The following ERCC6L2 variants were observed in gnomAD, a reference collection of about 807,000 sequenced individuals.
ERCC6L2 encodes ERCC excision repair 6 like 2.
ERCC6L2 carries 77 observed loss-of-function variants against 132.0 expected under a neutral mutation model. That is an observed-to-expected ratio of 0.58 (90% CI 0.49 to 0.71). ERCC6L2 has a LOEUF of 0.71. Among genes scored for constraint, ERCC6L2 ranks in the 30% least tolerant of loss-of-function variants. The probability of loss-of-function intolerance (pLI) is 0.00; values close to 1 mark genes in which losing one functional copy is unlikely to be tolerated. For synonymous variants in ERCC6L2, 583 were observed against 632.4 expected (o/e 0.92, Z 1.17); for missense variants, 1,542 against 1,837.6 (o/e 0.84, Z 2.94).
chr9:96,029,214 G>A (rs576297409), intron 19 of ERCC6L2, among the ~76,000 whole-genome samples: 14 of 144,906 alleles, frequency 9.7e-5, no homozygotes, highest in Non-Finnish European at 1.9e-4. Context: ...TAAGGTAGGA[G>A]AATTGCTTGA....
chr9:96,039,068 C>A (rs929952594), exon 20 of ERCC6L2: 1 of 388,286 alleles, frequency 2.6e-6, no homozygotes, highest in Non-Finnish European at 5.1e-6. Context: ...TGGCTGACAT[C>A]TTCACTGCAA....
At chr9:95,922,162 C>T in intron 7 of ERCC6L2, 143 bp from the exon 8 acceptor site, 1 of 512,874 alleles carries the variant, frequency 1.9e-6, no homozygotes, top group South Asian at 3.0e-5. Flanking sequence ...ATATTTTGTG[C>T]AATAGTTGAC....
chr9:95,876,224 G>A, intron 1 of ERCC6L2, 140 bp downstream of exon 1: 1 of 710,614 alleles, frequency 1.4e-6, no homozygotes, highest in Non-Finnish European at 2.3e-6. Context: ...AACCCCTCCA[G>A]GCCTGGAACC....
rs183800974 is a variant in ERCC6L2, at chr9:95,955,317, T to A, written c.1848-597T>A. 5.3e-5 allele frequency among the ~76,000 whole-genome samples: 8 copies of A among 152,336 alleles called. No homozygotes were observed. In the East Asian group the frequency reaches 1.5e-3, roughly 29 times the overall value. Reference sequence around the variant, plus strand: ...ACTTTTTGCTAAGTTGTGGTTTTTTTTACTTTTTAACAGTTTTAATAAAGT... The same window carrying A: ...ACTTTTTGCTAAGTTGTGGTTTTTTATACTTTTTAACAGTTTTAATAAAGT... On this transcript the variant is annotated intron_variant, in intron 12 of 18. Coordinates refer to ENST00000653738, the MANE Select transcript of ERCC6L2 (RefSeq NM_020207.7).
chr9:95,902,840 G>A (rs539927651), intron 3 of ERCC6L2, among the ~76,000 whole-genome samples: 408 of 152,102 alleles, frequency 2.7e-3, no homozygotes, highest in African/African-American at 9.4e-3. Flanking sequence ...TCTAATTCTC[G>A]TTTTTAATCA....
intron 13 of ERCC6L2, among the ~76,000 whole-genome samples, chr9:95,961,811 G>C (rs907557611): frequency 6.6e-6 from 1 of 152,146 alleles, no homozygotes; most frequent in Non-Finnish European, 1.5e-5. Context: ...CTGCATGGCT[G>C]GGGAGGCCTC....
At position 96,012,675 on chromosome 9, in the gene ERCC6L2, A is replaced by G. The variant is rs760580767; in HGVS notation, c.4125A>G (p.Ala1375=). ...TTGACAGTGGGAAAAACAGCCAGGC[A>G]TCCGAAGATACTGTGACATCCCGTT... ...QEIDSGKNSQ[A]SEDTVTSRSL... Residue 1375 remains alanine, a synonymous_variant, in exon 19 of 19, where the codon GCA becomes GCG. Coordinates refer to ENST00000653738, the MANE Select transcript of ERCC6L2 (RefSeq NM_020207.7). The G allele has an allele frequency of 3.7e-6, 5 of 1,367,562 alleles. No individual in the cohort carries two copies. Among genetic ancestry groups the G allele is most frequent in the East Asian group, 4.5e-5 (1 of 22,006 alleles). The allele number at this position is 1,367,562 out of a possible 1,614,324, so 84.7% of individuals were successfully genotyped here.
intron 17 of ERCC6L2, among the ~76,000 whole-genome samples, chr9:95,986,375 C>T (rs939395863): frequency 1.3e-5 from 2 of 152,072 alleles, no homozygotes; most frequent in East Asian, 3.9e-4. Flanking sequence ...AGTAAATTAA[C>T]TTTTAGTCCT....
rs371620653 is a variant in ERCC6L2, at chr9:95,966,599, A to G, written c.1985A>G (p.Lys662Arg). 21 of 1,529,442 alleles carry G rather than the reference A, an allele frequency of 1.4e-5. No homozygotes were observed. The African/African-American group carries it at 2.8e-4, about 21-fold the overall frequency. 94.7% of individuals were successfully genotyped at this position (1,529,442 alleles called of 1,614,324 possible). The change falls in exon 14 of 19, where the codon AAA (lysine) becomes AGA (arginine). Residue 662 changes from lysine to arginine, a missense_variant. Around this residue, in one of 4 missense-constraint regions of ERCC6L2, gnomAD observed 945 missense variants for 1,105.2 expected, o/e 0.86. Coordinates refer to ENST00000653738, the MANE Select transcript of ERCC6L2 (RefSeq NM_020207.7). ...GTGGTGGTTGGAAGTGAAAATGCCA[A>G]ACGATATTTTGAAGCAGTTCAAGGA... Reference protein sequence around the residue: ...HCVVVGSENAKRYFEAVQGSK... With the variant: ...HCVVVGSENARRYFEAVQGSK...
chr9:95,987,368 A>T (rs1013620374), intron 17 of ERCC6L2, among the ~76,000 whole-genome samples: 16 of 152,206 alleles, frequency 1.1e-4, no homozygotes, highest in Non-Finnish European at 2.1e-4. Context: ...CAAGTTAGTT[A>T]CTTTCTAGAT....
intron 2 of ERCC6L2, among the ~76,000 whole-genome samples, chr9:95,890,690 C>T (rs1828111981): frequency 6.6e-6 from 1 of 152,110 alleles, no homozygotes; most frequent in South Asian, 2.1e-4. Context: ...TTTTTTGAGA[C>T]AGTGTCTCGC....
intron 17 of ERCC6L2, among the ~76,000 whole-genome samples, chr9:95,999,112 G>T (rs1419045888): frequency 6.6e-6 from 1 of 152,184 alleles, no homozygotes; most frequent in Non-Finnish European, 1.5e-5. Flanking sequence ...TGTAATCCCA[G>T]CACTTTGGGA....
At chr9:95,895,828 G>A (rs1326515613) in intron 2 of ERCC6L2, among the ~76,000 whole-genome samples, 3 of 149,578 alleles carry the variant, frequency 2.0e-5, no homozygotes, top group Admixed American at 6.8e-5. Context: ...CCAGGTTCAC[G>A]CCATTCTCCT....
Position 96,004,619 on chromosome 9 carries a change from C to G in ERCC6L2, c.3592C>G (p.Pro1198Ala). The change falls in exon 18 of 19, where the codon CCT becomes GCT. Residue 1198 changes from proline to alanine, a missense_variant. This residue lies in a region of ERCC6L2 where 442 missense variants were observed against 583.4 expected (regional missense o/e 0.76). Transcript: ENST00000653738. Reference protein sequence around the residue: ...SISLPLYISNPVNQKKKKVYH... With the variant: ...SISLPLYISNAVNQKKKKVYH... Reference sequence around the variant, plus strand: ...TTCACTTCCTCTTTACATTTCAAATCCTGTAAACCAGAAGAAGAAAAAAGT... The same window carrying G: ...TTCACTTCCTCTTTACATTTCAAATGCTGTAAACCAGAAGAAGAAAAAAGT... 1.5e-6 allele frequency: 2 copies of G among 1,321,402 alleles called. No homozygotes were observed. Among genetic ancestry groups the G allele is most frequent in the Non-Finnish European group, 2.0e-6 (2 of 996,966 alleles). 81.9% of individuals were successfully genotyped at this position (1,321,402 alleles called of 1,614,324 possible).
intron 17 of ERCC6L2, among the ~76,000 whole-genome samples, chr9:95,981,641 G>A (rs1198927216): frequency 6.6e-6 from 1 of 152,150 alleles, no homozygotes; most frequent in East Asian, 1.9e-4. Context: ...TTAGGTTTAA[G>A]CTCAGGCGAA....
Position 95,875,714 on chromosome 9 carries a change from CG to C in ERCC6L2, c.-324del, listed in dbSNP as rs1827209466. Reference sequence around the variant, plus strand: ...TCAGAGCCTAGGAAGATTTGGGGGTCGCCTTGCCGGCCTCCTGTCCTCCTCC... The same window carrying C: ...TCAGAGCCTAGGAAGATTTGGGGGTCCCTTGCCGGCCTCCTGTCCTCCTCC... On this transcript the variant is annotated 5_prime_UTR_variant, in exon 1 of 19. Transcript: ENST00000653738. The C allele has an allele frequency of 2.4e-6, 1 of 417,132 alleles. No homozygotes were observed. Among genetic ancestry groups the C allele is most frequent in the African/African-American group, 2.0e-5 (1 of 49,620 alleles). 25.8% of individuals were successfully genotyped at this position (417,132 alleles called of 1,614,324 possible).
At chr9:95,940,845 G>A (rs1476039260) in intron 11 of ERCC6L2, among the ~76,000 whole-genome samples, 1 of 151,982 alleles carries the variant, frequency 6.6e-6, no homozygotes, top group Non-Finnish European at 1.5e-5. Context: ...TCCATCAGTT[G>A]CTGAATGTGG....
At chr9:95,884,903 G>A (rs1015665691) in intron 2 of ERCC6L2, among the ~76,000 whole-genome samples, 2 of 152,104 alleles carry the variant, frequency 1.3e-5, no homozygotes, top group Admixed American at 6.6e-5. Flanking sequence ...TTTTTTGTTT[G>A]TTTTGTATTG....
chr9:96,014,051 A>G lies in ERCC6L2; in HGVS notation c.*848A>G, dbSNP rs1834122510. The G allele has an allele frequency of 1.3e-5, 2 of 152,232 alleles. No individual in the cohort carries two copies. The highest frequency in any genetic ancestry group is 2.9e-5 in the Non-Finnish European group (2 of 68,034). The allele number at this position is 152,232 out of a possible 1,614,324, so 9.4% of individuals were successfully genotyped here. The stretch of plus-strand genomic sequence containing the variant: ...AATGAATGTGCTTATTGTTGAATGC[A>G]TGTATTTAGAAGCCTTTACTCAGCC... On this transcript the variant is annotated 3_prime_UTR_variant, in exon 19 of 19. Coordinates refer to ENST00000653738, the MANE Select transcript of ERCC6L2 (RefSeq NM_020207.7).
Sources: allele counts gnomAD v4.1 joint callset (sites outside exome capture counted in the v4.1 genomes callset), GRCh38; gene constraint gnomAD v4.1.1; regional missense constraint gnomAD v4.1.1; transcripts MANE v1.5; gene names NCBI Gene and HGNC (gene_info 2026-07-23, HGNC 2026-07-21).